Variants in HSPA12A observed in about 807,000 individuals in gnomAD.
HSPA12A encodes heat shock protein family A (Hsp70) member 12A.
Under a neutral mutation model 69.2 loss-of-function variants are expected in HSPA12A, and 28 were observed. The observed-to-expected ratio is 0.40, with a 90% CI of 0.30 to 0.55. HSPA12A has a LOEUF of 0.55. Among genes scored for constraint, HSPA12A ranks in the 20% least tolerant of loss-of-function variants. The probability of loss-of-function intolerance (pLI) is 0.38; values close to 1 mark genes in which losing one functional copy is unlikely to be tolerated. For synonymous variants in HSPA12A, 345 were observed against 370.5 expected, an observed-to-expected ratio of 0.93 and a Z score of 0.79; for missense variants, 686 against 900.7, an observed-to-expected ratio of 0.76 and a Z score of 3.05.
At chr10:116,719,448 A>G (rs1343111771) in intron 1 of HSPA12A, among the ~76,000 whole-genome samples, 2 of 152,242 alleles carry the variant, frequency 1.3e-5, no homozygotes, top group Non-Finnish European at 2.9e-5. Flanking sequence ...GAGGGGGTCC[A>G]TGAGCTGCCA....
rs1554884978 is a variant in HSPA12A, at chr10:116,726,025, A to ATG, written c.40+16404_40+16405insCA. 7.2e-3 allele frequency among the ~76,000 whole-genome samples: 486 copies of ATG among 67,938 alleles called. 3 individuals are homozygous for ATG. Among genetic ancestry groups the ATG allele is most frequent in the African/African-American group, 0.022 (456 of 20,368 alleles). 44.6% of individuals were successfully genotyped at this position (67,938 alleles called of 152,430 possible). A position where few individuals can be genotyped will look rare whatever the true frequency, so the allele number is the denominator to read the frequency against. On this transcript the variant is annotated intron_variant, in intron 1 of 11. Transcript: ENST00000369209. Reference sequence around the variant, plus strand: ...ATACAAGGTTTAGACACACACACACACGCACACACACACACACACACACAC... The same window carrying ATG: ...ATACAAGGTTTAGACACACACACACATGCGCACACACACACACACACACACAC...
intron 1 of HSPA12A, among the ~76,000 whole-genome samples, chr10:116,719,415 C>A (rs1439708031): frequency 6.6e-6 from 1 of 152,222 alleles, no homozygotes; most frequent in Admixed American, 6.5e-5. Flanking sequence ...CAGCCACCAC[C>A]AAAGGAACCT....
intron 1 of HSPA12A, among the ~76,000 whole-genome samples, chr10:116,740,386 A>C (rs1195987283): frequency 6.6e-6 from 1 of 152,192 alleles, no homozygotes; most frequent in Non-Finnish European, 1.5e-5. Context: ...ATGCAATACT[A>C]TTCACATCCT....
At chr10:116,749,026 T>C (rs1414552266) in intron 2 of HSPA12A, among the ~76,000 whole-genome samples, 1 of 152,064 alleles carries the variant, frequency 6.6e-6, no homozygotes, top group Non-Finnish European at 1.5e-5. Context: ...TTTCCTACCT[T>C]GTGTCATCCC....
intron 1 of HSPA12A, among the ~76,000 whole-genome samples, chr10:116,724,923 C>T (rs1427804025): frequency 6.6e-6 from 1 of 152,178 alleles, no homozygotes; most frequent in African/African-American, 2.4e-5. Context: ...ACCCTGAAGG[C>T]CAACTCTCTG....
intron 2 of HSPA12A, among the ~76,000 whole-genome samples, chr10:116,800,106 T>A (rs1190136426): frequency 6.6e-6 from 1 of 152,084 alleles, no homozygotes. Flanking sequence ...TCCCAGAAAA[T>A]GAGAGATGAA....
At chr10:116,779,203 G>T (rs1384724218) in intron 2 of HSPA12A, among the ~76,000 whole-genome samples, 1 of 152,214 alleles carries the variant, frequency 6.6e-6, no homozygotes, top group Non-Finnish European at 1.5e-5. Context: ...GAACTCCAAG[G>T]GGGACATGTG....
Position 116,805,887 on chromosome 10 carries a change from A to G in HSPA12A, c.91+29048T>C, listed in dbSNP as rs554241315. On this transcript the variant is annotated intron_variant, in intron 2 of 12. Transcript: ENST00000635765. ...TACATTTTGCTGCGTAAAAGGATTC[A>G]AGAATCACCTGGCTGGAAATCGGAG... Among the ~76,000 whole-genome samples the G allele has an allele frequency of 1.1e-4, 16 of 152,366 alleles. 1 individual carries two copies. Among genetic ancestry groups the G allele is most frequent in the Admixed American group, 1.0e-3 (16 of 15,306 alleles).
intron 6 of HSPA12A, among the ~76,000 whole-genome samples, chr10:116,690,151 CT>C (rs1373654492): frequency 6.6e-6 from 1 of 152,184 alleles, no homozygotes; most frequent in Non-Finnish European, 1.5e-5. Flanking sequence ...GCAAATTTCA[CT>C]TCCACTTTGT....
At chr10:116,784,545 T>G (rs185488660) in intron 2 of HSPA12A, among the ~76,000 whole-genome samples, 2 of 152,212 alleles carry the variant, frequency 1.3e-5, no homozygotes, top group Middle Eastern at 3.4e-3. Context: ...AAAGGTTTGT[T>G]GAGGGAATGA....
chr10:116,839,946 T>C (rs1054891552), intron 1 of HSPA12A, among the ~76,000 whole-genome samples: 10 of 151,752 alleles, frequency 6.6e-5, no homozygotes, highest in African/African-American at 2.4e-4. Flanking sequence ...CTTGAAAGAA[T>C]GTGAAAGGCC....
intron 2 of HSPA12A, among the ~76,000 whole-genome samples, chr10:116,784,696 G>C (rs1554892153): frequency 6.6e-6 from 1 of 152,232 alleles, no homozygotes; most frequent in Admixed American, 6.5e-5. Context: ...TGCCCTTGCA[G>C]TTGGGGACTT....
chr10:116,708,641 G>A (rs919072296), intron 1 of HSPA12A, among the ~76,000 whole-genome samples: 6 of 152,148 alleles, frequency 3.9e-5, no homozygotes, highest in African/African-American at 7.2e-5. Flanking sequence ...GCCTCTCTCC[G>A]CCTGATGAGG....
upstream of HSPA12A, among the ~76,000 whole-genome samples, chr10:116,744,623 G>A (rs530312525): frequency 2.1e-4 from 32 of 152,348 alleles, no homozygotes; most frequent in African/African-American, 7.0e-4. Context: ...GAAAGGCAGC[G>A]CACACTCTGC....
rs1344339663 is a variant in HSPA12A, at chr10:116,742,449, G to T, written c.21C>A (p.Gly7=). ...GCTCACCTCGGGGCCCGTCGCTGCC[G>T]CCGGCCTCCTTGTCCGCCATGGTCG... MADKEA[G]GSDGPRETAP... Residue 7 remains glycine (G), a synonymous_variant, in exon 1 of 12, where the codon GGC becomes GGA. Transcript: ENST00000369209. The T allele has an allele frequency of 2.8e-6, 4 of 1,405,476 alleles. No homozygotes were observed. The African/African-American group carries it at 6.0e-5, about 21-fold the overall frequency. 87.1% of individuals were successfully genotyped at this position (1,405,476 alleles called of 1,614,324 possible).
At chr10:116,745,276 G>T (rs376087744), upstream of HSPA12A, among the ~76,000 whole-genome samples, 2 of 152,172 alleles carry the variant, frequency 1.3e-5, no homozygotes, top group Non-Finnish European at 2.9e-5. Context: ...TAAGTGAAGC[G>T]GGAACACAGC....
chr10:116,774,288 C>T lies in HSPA12A; in HGVS notation c.91+60647G>A, dbSNP rs376762320. On this transcript the variant is annotated intron_variant, in intron 2 of 12. Coordinates refer to the HSPA12A transcript ENST00000635765. ...CCTCCCAAAGTGCTGGGATTACAGG[C>T]GTGAGCCACCGCGCCCGGCCGGCAA... Among the ~76,000 whole-genome samples the T allele has an allele frequency of 2.6e-4, 40 of 152,216 alleles. No homozygotes were observed. In the East Asian group the frequency reaches 5.8e-3, roughly 22 times the overall value.
chr10:116,682,136 AC>A (rs1452965518), intron 7 of HSPA12A, among the ~76,000 whole-genome samples: 2 of 152,114 alleles, frequency 1.3e-5, no homozygotes, highest in African/African-American at 4.8e-5. Flanking sequence ...TCTCACAACA[AC>A]CCTTGGAATT....
intron 9 of HSPA12A, among the ~76,000 whole-genome samples, chr10:116,680,040 G>T (rs1198410153): frequency 1.3e-5 from 2 of 152,130 alleles, no homozygotes; most frequent in East Asian, 3.9e-4. Flanking sequence ...GCCCAGGCTG[G>T]AGTGCAGTGG....
Sources: gnomAD v4.1 joint callset for allele counts (sites outside exome capture counted in the v4.1 genomes callset) on GRCh38, gnomAD v4.1.1 for gene constraint, MANE v1.5 for transcripts, NCBI Gene and HGNC (gene_info 2026-07-23, HGNC 2026-07-21) for gene names.